DIAPH2: variants seen among roughly 807,000 people sequenced by gnomAD.
The protein encoded by DIAPH2 is diaphanous related formin 2, also known as protein diaphanous homolog 2.
DIAPH2 carries 35 observed loss-of-function variants against 92.7 expected under a neutral mutation model. The ratio of observed to expected loss-of-function variants is 0.38; its 90% confidence interval spans 0.29 to 0.50. The LOEUF is 0.50. Ranked by LOEUF, DIAPH2 falls within the 20% of genes least tolerant of loss-of-function variation. The probability of loss-of-function intolerance (pLI) is 0.94; values close to 1 mark genes in which losing one functional copy is unlikely to be tolerated. For synonymous variants in DIAPH2, 301 were observed against 280.4 expected (o/e 1.07, Z -0.73); for missense variants, 701 against 819.5 (o/e 0.86, Z 1.77).
intron 17 of DIAPH2, among the ~76,000 whole-genome samples, chrX:97,017,279 T>G (rs2147868574): frequency 8.9e-6 from 1 of 112,327 alleles, no homozygotes. Flanking sequence ...TTATTTACTA[T>G]ACATTAGTTG....
chrX:96,957,896 G>A lies in DIAPH2; in HGVS notation c.1683G>A (p.Gly561=), dbSNP rs2065822312. The part of the protein sequence containing the change: ...PPAAPPLPGV[G]PPPPPPAPPL... Reference sequence around the variant, plus strand: ...CAGCACCTCCATTGCCAGGTGTAGGGCCGCCTCCACCACCACCCGCGCCAC... The same window carrying A: ...CAGCACCTCCATTGCCAGGTGTAGGACCGCCTCCACCACCACCCGCGCCAC... Residue 561 remains glycine (G), a synonymous_variant, in exon 16 of 27, where the codon GGG becomes GGA. Transcript: ENST00000324765. The A allele has an allele frequency of 1.7e-6, 2 of 1,210,449 alleles. No homozygotes were observed. The highest frequency in any genetic ancestry group is 3.5e-5 in the African/African-American group (2 of 57,520).
At chrX:97,535,883 A>G (rs1293004797) in intron 26 of DIAPH2, among the ~76,000 whole-genome samples, 2 of 112,687 alleles carry the variant, frequency 1.8e-5, no homozygotes, top group Non-Finnish European at 3.7e-5. Flanking sequence ...GTTATAGAGA[A>G]TAAGAATAGG....
At chrX:97,241,015 T>G (rs1185435675) in intron 22 of DIAPH2, among the ~76,000 whole-genome samples, 1 of 111,281 alleles carries the variant, frequency 9.0e-6, no homozygotes, top group African/African-American at 3.3e-5. Context: ...CCCATCCAAT[T>G]CTGCCACAGC....
At chrX:96,962,579 G>A (rs898308868) in intron 16 of DIAPH2, among the ~76,000 whole-genome samples, 2 of 95,534 alleles carry the variant, frequency 2.1e-5, no homozygotes, top group African/African-American at 7.9e-5. Flanking sequence ...TCTGATATAC[G>A]TATATTTACT....
chrX:96,970,934 G>A (rs140741709), intron 17 of DIAPH2, among the ~76,000 whole-genome samples: 30 of 111,412 alleles, frequency 2.7e-4, no homozygotes, highest in African/African-American at 9.1e-4. Flanking sequence ...GGTATGTTGT[G>A]TCTCTTTTCA....
chrX:97,179,562 AG>A (rs2067522579), intron 22 of DIAPH2, among the ~76,000 whole-genome samples: 1 of 111,483 alleles, frequency 9.0e-6, no homozygotes, highest in South Asian at 3.8e-4. Flanking sequence ...ACGGCTGCAT[AG>A]TATTCCATGA....
At chrX:97,249,381 T>A (rs2068168627) in intron 23 of DIAPH2, among the ~76,000 whole-genome samples, 1 of 112,206 alleles carries the variant, frequency 8.9e-6, no homozygotes, top group African/African-American at 3.2e-5. Flanking sequence ...ATCTGTATGT[T>A]ACAGATGAAT....
At position 96,701,497 on chromosome X, in the gene DIAPH2, GT is replaced by G. The variant is rs372887358; in HGVS notation, c.132+16318del. 6.4e-3 allele frequency: 683 copies of G among 105,903 alleles called. 4 individuals carry two copies. Among genetic ancestry groups the G allele is most frequent in the Admixed American group, 0.036 (347 of 9,750 alleles). The allele number at this position is 105,903 out of a possible 1,213,427, so 8.7% of individuals were successfully genotyped here. On this transcript the variant is annotated intron_variant, in intron 1 of 26. Coordinates refer to ENST00000324765, the MANE Select transcript of DIAPH2 (RefSeq NM_006729.5). ...ACAGCTTTGTAAGATTAAAAGGCAA[GT>G]TTTTTTTTTTAAGACTAGTCGAGTG...
chrX:97,504,127 T>A (rs1013025452), intron 26 of DIAPH2, among the ~76,000 whole-genome samples: 1 of 112,280 alleles, frequency 8.9e-6, no homozygotes, highest in African/African-American at 3.2e-5. Flanking sequence ...CTATATTTAA[T>A]ATTCAAAATC....
chrX:97,577,677 C>A (rs2071407552), intron 26 of DIAPH2, among the ~76,000 whole-genome samples: 1 of 111,518 alleles, frequency 9.0e-6, no homozygotes, highest in Non-Finnish European at 1.9e-5. Flanking sequence ...GTTGTGAAGC[C>A]AACCTAACTA....
intron 23 of DIAPH2, among the ~76,000 whole-genome samples, chrX:97,266,566 T>C (rs1439243656): frequency 1.8e-5 from 2 of 111,778 alleles, no homozygotes; most frequent in Non-Finnish European, 3.8e-5. Flanking sequence ...GGTGCTTCGA[T>C]GTCCTGTAAC....
chrX:96,916,849 C>G (rs747031656), intron 8 of DIAPH2, among the ~76,000 whole-genome samples: 1 of 111,243 alleles, frequency 9.0e-6, no homozygotes, highest in African/African-American at 3.2e-5. Context: ...GTACAGCAAT[C>G]ATTAGAAAGT....
chrX:97,044,905 T>C (rs1029472115), intron 17 of DIAPH2, among the ~76,000 whole-genome samples: 1 of 111,786 alleles, frequency 8.9e-6, no homozygotes, highest in African/African-American at 3.3e-5. Context: ...CAGAGTCTAC[T>C]CTTCTTAAGA....
intron 1 of DIAPH2, among the ~76,000 whole-genome samples, chrX:96,701,190 A>G (rs1225885886): frequency 9.0e-6 from 1 of 111,546 alleles, no homozygotes; most frequent in Non-Finnish European, 1.9e-5. Context: ...CCATATTAAC[A>G]ATTGTCCTTA....
chrX:97,292,475 G>A (rs1389798700), intron 23 of DIAPH2, among the ~76,000 whole-genome samples: 1 of 110,909 alleles, frequency 9.0e-6, no homozygotes, highest in Non-Finnish European at 1.9e-5. Flanking sequence ...TTAATCAGAT[G>A]TTAAAAATTA....
intron 24 of DIAPH2, among the ~76,000 whole-genome samples, chrX:97,383,111 G>A (rs916693893): frequency 1.6e-4 from 18 of 112,281 alleles, no homozygotes; most frequent in Non-Finnish European, 3.4e-4. Flanking sequence ...CCAACTACTG[G>A]AATGTACTCA....
At chrX:97,533,930 C>T (rs1355603258) in intron 26 of DIAPH2, among the ~76,000 whole-genome samples, 1 of 111,672 alleles carries the variant, frequency 9.0e-6, no homozygotes, top group Non-Finnish European at 1.9e-5. Flanking sequence ...TCTATGGAAT[C>T]GTAGTGATCT....
rs1164408501 is a variant in DIAPH2 at position 97,035,727 on chromosome X, G to C, written c.2051-37214G>C. Among the ~76,000 whole-genome samples, 3 of 111,400 alleles carry C rather than the reference G, an allele frequency of 2.7e-5. No individual in the cohort carries two copies. In the East Asian group the frequency reaches 8.5e-4, roughly 32 times the overall value. On this transcript the variant is annotated intron_variant, in intron 17 of 26. Coordinates refer to ENST00000324765, the MANE Select transcript of DIAPH2 (RefSeq NM_006729.5). ...AGGATTTAGAGAAAGAATGGATTTC[G>C]ACTGGACATGGTGCCTCATGCCTGT... is the stretch of plus-strand genomic sequence containing the variant.
chrX:96,947,249 A>G (rs975375665), intron 14 of DIAPH2, among the ~76,000 whole-genome samples: 1 of 111,509 alleles, frequency 9.0e-6, no homozygotes. Flanking sequence ...ATACTAATAA[A>G]CCATTTTTAG....
Sources: allele counts gnomAD v4.1 joint callset (sites outside exome capture counted in the v4.1 genomes callset), GRCh38; gene constraint gnomAD v4.1.1; transcripts MANE v1.5; gene names NCBI Gene and HGNC (gene_info 2026-07-23, HGNC 2026-07-21).